The following ZNF431 variants were observed in gnomAD, a reference collection of about 807,000 sequenced individuals.
ZNF431 encodes the protein zinc finger protein 431.
ZNF431 carries 34 observed loss-of-function variants against 57.0 expected under a neutral mutation model. That is an observed-to-expected ratio of 0.60 (90% CI 0.45 to 0.79). ZNF431 has a LOEUF of 0.79. Among genes scored for constraint, ZNF431 ranks in the 30% least tolerant of loss-of-function variants. The pLI, the probability that ZNF431 is intolerant of heterozygous loss-of-function variation, is 0.00. For synonymous variants in ZNF431, 207 were observed against 220.3 expected, an observed-to-expected ratio of 0.94 and a Z score of 0.54; for missense variants, 607 against 667.1, an observed-to-expected ratio of 0.91 and a Z score of 0.99.
At position 21,189,607 on chromosome 19, in the gene ZNF431, T is replaced by A. The variant is rs1210910496; in HGVS notation, c.*5573T>A. On this transcript the variant is annotated 3_prime_UTR_variant, in exon 5 of 5. Coordinates refer to ENST00000311048, the MANE Select transcript of ZNF431 (RefSeq NM_133473.4). ...TCACCATGTTGTGCAATAAATCTCT[T>A]GAACTTATTTCTTCCATTTGACTAT... is the stretch of plus-strand genomic sequence containing the variant. 1 of 308,382 alleles carries A rather than the reference T, an allele frequency of 3.2e-6. No individual in the cohort carries two copies. The highest frequency in any genetic ancestry group is 2.1e-5 in the African/African-American group (1 of 46,690). The allele number at this position is 308,382 out of a possible 1,614,324, so 19.1% of individuals were successfully genotyped here.
Position 21,142,064 on chromosome 19 carries a change from A to T in ZNF431, c.-120A>T. 7.5e-7 allele frequency: 1 copy of T among 1,339,536 alleles called. No homozygotes were observed. The highest frequency in any genetic ancestry group is 2.3e-5 in the East Asian group (1 of 42,978). The allele number at this position is 1,339,536 out of a possible 1,614,324, so 83.0% of individuals were successfully genotyped here. A position where few individuals can be genotyped will look rare whatever the true frequency, so the allele number is the denominator to read the frequency against. ...TGTCTCTCGCCGCAGCCTGAGCTCC[A>T]GGTCTCCCCTTCGCTGCTCTGTGTC... is the stretch of plus-strand genomic sequence containing the variant. On this transcript the variant is annotated 5_prime_UTR_variant, in exon 1 of 5. Transcript: ENST00000311048.
chr19:21,174,882 C>T (rs1168536454), intron 4 of ZNF431, among the ~76,000 whole-genome samples: 1 of 152,092 alleles, frequency 6.6e-6, no homozygotes, highest in African/African-American at 2.4e-5. Flanking sequence ...AAGCGATATT[C>T]CTTCCTCAGC....
intron 4 of ZNF431, among the ~76,000 whole-genome samples, chr19:21,177,880 TTAG>T (rs1971104059): frequency 6.6e-6 from 1 of 152,064 alleles, no homozygotes; most frequent in African/African-American, 2.4e-5. Flanking sequence ...GTGAAGAATG[TTAG>T]TGGTAGTTTA....
intron 2 of ZNF431, chr19:21,149,948 A>C (rs1316049782): frequency 1.7e-6 from 1 of 597,104 alleles, no homozygotes; most frequent in Non-Finnish European, 3.1e-6. Context: ...GAAGACAACC[A>C]GCTTGATGGG....
At position 21,192,181 on chromosome 19, in the gene ZNF431, T is replaced by C. The variant is rs1211537627; in HGVS notation, c.*8147T>C. ...AATAAATTTTGTTTATTTATTTATT[T>C]ATTTTGAGATGGAGTCTCGGTCTGT... On this transcript the variant is annotated 3_prime_UTR_variant, in exon 5 of 5. Transcript: ENST00000311048. The C allele has an allele frequency of 1.3e-5, 2 of 152,198 alleles. No homozygotes were observed. The highest frequency in any genetic ancestry group is 4.8e-5 in the African/African-American group (2 of 41,458). The allele number at this position is 152,198 out of a possible 1,614,324, so 9.4% of individuals were successfully genotyped here.
At chr19:21,173,312 A>T (rs1208796626) in intron 4 of ZNF431, among the ~76,000 whole-genome samples, 4 of 152,040 alleles carry the variant, frequency 2.6e-5, no homozygotes, top group Admixed American at 6.6e-5. Flanking sequence ...TAAGAGTGGG[A>T]TTGCTGTATT....
intron 2 of ZNF431, among the ~76,000 whole-genome samples, chr19:21,161,423 T>TA (rs1254098230): frequency 6.6e-6 from 1 of 152,178 alleles, no homozygotes; most frequent in Non-Finnish European, 1.5e-5. Flanking sequence ...TTGCTAAGAA[T>TA]ACATATATAT....
At chr19:21,180,048 G>C (rs756422369) in intron 4 of ZNF431, among the ~76,000 whole-genome samples, 3 of 151,934 alleles carry the variant, frequency 2.0e-5, no homozygotes, top group Non-Finnish European at 2.9e-5. Flanking sequence ...ACCACACCCA[G>C]CTAATTTTTT....
At chr19:21,150,005 A>G (rs1970224480) in intron 2 of ZNF431, 3 of 585,496 alleles carry the variant, frequency 5.1e-6, no homozygotes, top group Non-Finnish European at 9.6e-6. Flanking sequence ...CTTTTTCTCC[A>G]CCAAGGTGGT....
At chr19:21,155,988 C>A (rs1421103600) in intron 2 of ZNF431, among the ~76,000 whole-genome samples, 1 of 152,100 alleles carries the variant, frequency 6.6e-6, no homozygotes, top group Non-Finnish European at 1.5e-5. Context: ...TGATGACAGA[C>A]CCCCTTTTCA....
intron 2 of ZNF431, among the ~76,000 whole-genome samples, chr19:21,157,281 G>C (rs556347941): frequency 6.6e-6 from 1 of 152,004 alleles, no homozygotes; most frequent in South Asian, 2.1e-4. Context: ...GGGACTGCAG[G>C]CATGTGCCAT....
At chr19:21,159,890 G>A (rs1970525343) in intron 2 of ZNF431, among the ~76,000 whole-genome samples, 1 of 150,910 alleles carries the variant, frequency 6.6e-6, no homozygotes, top group Non-Finnish European at 1.5e-5. Context: ...TGTTGTTATT[G>A]TTCAGTCTTT....
At chr19:21,158,055 A>AT (rs953108554) in intron 2 of ZNF431, among the ~76,000 whole-genome samples, 1 of 152,052 alleles carries the variant, frequency 6.6e-6, no homozygotes, top group African/African-American at 2.4e-5. Flanking sequence ...TAAAATAGTT[A>AT]TTTTTTAGTT....
rs377406485 is a variant in ZNF431 at position 21,185,324 on chromosome 19, C to T, written c.*1290C>T. 1.7e-4 allele frequency: 26 copies of T among 152,268 alleles called. No homozygotes were observed. In the South Asian group the frequency reaches 5.0e-3, roughly 29 times the overall value. The allele number at this position is 152,268 out of a possible 1,614,324, so 9.4% of individuals were successfully genotyped here. Reference sequence around the variant, plus strand: ...ATACTTTATTTCTTGAAAAATATTACAGATTTTTTGAAAATTGAATAATGT... The same window carrying T: ...ATACTTTATTTCTTGAAAAATATTATAGATTTTTTGAAAATTGAATAATGT... On this transcript the variant is annotated 3_prime_UTR_variant, in exon 5 of 5. Coordinates refer to ENST00000311048, the MANE Select transcript of ZNF431 (RefSeq NM_133473.4).
rs111890437 is a variant in ZNF431 at position 21,142,050 on chromosome 19, G to T, written c.-134G>T. ...TGTGGCGGGGCCTTTGTCTCTCGCCGCAGCCTGAGCTCCAGGTCTCCCCTT... is the reference window on the plus strand; with the variant it reads ...TGTGGCGGGGCCTTTGTCTCTCGCCTCAGCCTGAGCTCCAGGTCTCCCCTT... On this transcript the variant is annotated 5_prime_UTR_variant, in exon 1 of 5. Coordinates refer to ENST00000311048, the MANE Select transcript of ZNF431 (RefSeq NM_133473.4). The T allele has an allele frequency of 3.1e-5, 37 of 1,193,472 alleles. No homozygotes were observed. The highest frequency in any genetic ancestry group is 2.0e-4 in the African/African-American group (13 of 66,364). The allele number at this position is 1,193,472 out of a possible 1,614,324, so 73.9% of individuals were successfully genotyped here.
chr19:21,184,788 A>G lies in ZNF431; in HGVS notation c.*754A>G, dbSNP rs569033090. Reference sequence around the variant, plus strand: ...AGAGTTCCTGCTTAATAAAAGCATTATAAGTGCAATTACTGTCAAAAGATC... The same window carrying G: ...AGAGTTCCTGCTTAATAAAAGCATTGTAAGTGCAATTACTGTCAAAAGATC... On this transcript the variant is annotated 3_prime_UTR_variant, in exon 5 of 5. Coordinates refer to ENST00000311048, the MANE Select transcript of ZNF431 (RefSeq NM_133473.4). 1 of 152,786 alleles carries G rather than the reference A, an allele frequency of 6.5e-6. No individual in the cohort carries two copies. The highest frequency in any genetic ancestry group is 2.4e-5 in the African/African-American group (1 of 41,574). The allele number at this position is 152,786 out of a possible 1,614,324, so 9.5% of individuals were successfully genotyped here.
At chr19:21,159,330 G>T (rs966465826) in intron 2 of ZNF431, among the ~76,000 whole-genome samples, 4 of 150,916 alleles carry the variant, frequency 2.7e-5, no homozygotes, top group African/African-American at 7.3e-5. Context: ...ATAGAATTAT[G>T]ATATATATAT....
rs200898803 is a variant in ZNF431, at chr19:21,183,726, A to G, written c.1423A>G (p.Lys475Glu). ...FSQSSILTTH[K>E]RIHTGEKPYK... Reference sequence around the variant, plus strand: ...CCAGTCATCAATCCTTACTACACATAAGAGAATTCACACTGGAGAGAAACC... The same window carrying G: ...CCAGTCATCAATCCTTACTACACATGAGAGAATTCACACTGGAGAGAAACC... Residue 475 changes from lysine (K) to glutamate (E), a missense_variant, in exon 5 of 5, where the codon AAG (lysine) becomes GAG (glutamate). Coordinates refer to ENST00000311048, the MANE Select transcript of ZNF431 (RefSeq NM_133473.4). The G allele has an allele frequency of 3.0e-5, 49 of 1,613,896 alleles. No individual in the cohort carries two copies. The East Asian group carries it at 9.8e-4, about 32-fold the overall frequency.
intron 4 of ZNF431, among the ~76,000 whole-genome samples, chr19:21,168,744 A>G (rs1378734809): frequency 6.6e-6 from 1 of 151,730 alleles, no homozygotes; most frequent in Non-Finnish European, 1.5e-5. Flanking sequence ...AAGATTTTTT[A>G]CCTTCTTCGT....
Sources: gnomAD v4.1 joint callset for allele counts (sites outside exome capture counted in the v4.1 genomes callset) on GRCh38, gnomAD v4.1.1 for gene constraint, MANE v1.5 for transcripts, NCBI Gene and HGNC (gene_info 2026-07-23, HGNC 2026-07-21) for gene names.